FER: variants seen among roughly 807,000 people sequenced by gnomAD.
FER encodes FER tyrosine kinase.
In FER, 63 loss-of-function variants were observed where a neutral mutation model predicts 111.0. That is an observed-to-expected ratio of 0.57 (90% CI 0.46 to 0.70). The LOEUF (loss-of-function observed/expected upper bound fraction) is 0.70, where lower values mean the gene tolerates loss of function less well. Among genes scored for constraint, FER ranks in the 30% least tolerant of loss-of-function variants. The pLI is 0.00. For synonymous variants in FER, 327 were observed against 313.9 expected (o/e 1.04, Z -0.44); for missense variants, 914 against 954.0 (o/e 0.96, Z 0.55).
chr5:109,052,918 A>T (rs1773046080), intron 16 of FER, among the ~76,000 whole-genome samples: 1 of 152,204 alleles, frequency 6.6e-6, no homozygotes, highest in South Asian at 2.1e-4. Context: ...CAGTTACATT[A>T]AGTTCATTGG....
At chr5:109,086,720 A>G (rs72796559) in intron 16 of FER, among the ~76,000 whole-genome samples, 11,127 of 151,396 alleles carry the variant, frequency 0.073, 521 homozygotes, top group Middle Eastern at 0.16. Flanking sequence ...TTCAGTTTGA[A>G]TCATGTTCTA....
Position 109,189,444 on chromosome 5 carries a change from A to AGAT in FER, c.*1870_*1872dup, listed in dbSNP as rs1408394677. The AGAT allele has an allele frequency of 4.3e-4, 66 of 152,340 alleles. No homozygotes were observed. The highest frequency in any genetic ancestry group is 2.5e-4 in the Non-Finnish European group (17 of 68,036). The allele number at this position is 152,340 out of a possible 1,614,324, so 9.4% of individuals were successfully genotyped here. On this transcript the variant is annotated 3_prime_UTR_variant, in exon 20 of 20. Transcript: ENST00000281092. ...TCACACCAGTACTTTAGAGTATGAA[A>AGAT]GATAATACTGAAGAGAAAAGTGACT... is the stretch of plus-strand genomic sequence containing the variant.
At chr5:108,845,018 A>ATATATATATG (rs1761802267) in intron 5 of FER, among the ~76,000 whole-genome samples, 1 of 53,342 alleles carries the variant, frequency 1.9e-5, no homozygotes, top group South Asian at 6.7e-4. Flanking sequence ...ATATATATAT[A>ATATATATATG]TATATATATA....
At chr5:108,969,616 T>TTTTTTTTTTTTTTTTTTGAGACG (rs1561695264) in intron 13 of FER, among the ~76,000 whole-genome samples, 11 of 149,042 alleles carry the variant, frequency 7.4e-5, no homozygotes, top group African/African-American at 2.6e-4. Flanking sequence ...TTAATTTTTT[T>TTTTTTTTTTTTTTTTTTGAGACG]GAACACTGTG....
chr5:108,848,484 G>A (rs542637009), intron 5 of FER, among the ~76,000 whole-genome samples: 1 of 151,910 alleles, frequency 6.6e-6, no homozygotes, highest in South Asian at 2.1e-4. Flanking sequence ...TAGCTCTAAT[G>A]TTTTATTTTA....
At chr5:108,893,409 C>A (rs906607099) in intron 9 of FER, among the ~76,000 whole-genome samples, 21 of 150,842 alleles carry the variant, frequency 1.4e-4, no homozygotes, top group African/African-American at 4.4e-4. Context: ...AGGTTTTCTT[C>A]TTTATTTTTT....
chr5:109,172,148 G>A (rs1204053614), intron 17 of FER, among the ~76,000 whole-genome samples: 1 of 151,944 alleles, frequency 6.6e-6, no homozygotes, highest in Non-Finnish European at 1.5e-5. Context: ...ATACCCAAAG[G>A]ACTATAAATC....
At chr5:109,037,575 A>G in intron 14 of FER, 97 bp downstream of exon 14, 1 of 904,064 alleles carries the variant, frequency 1.1e-6, no homozygotes, top group East Asian at 2.5e-5. Context: ...TTATATTGCC[A>G]CAAGGCACAT....
chr5:109,010,383 T>G (rs1319912709), intron 13 of FER, among the ~76,000 whole-genome samples: 2 of 152,134 alleles, frequency 1.3e-5, no homozygotes, highest in African/African-American at 2.4e-5. Flanking sequence ...GGTGTCGATC[T>G]CCTGACCTCG....
chr5:109,092,299 A>AT, intron 16 of FER, among the ~76,000 whole-genome samples: 1 of 143,584 alleles, frequency 7.0e-6, no homozygotes, highest in Non-Finnish European at 1.5e-5. Flanking sequence ...AAAAAAAAAA[A>AT]AAAAAAAAAA....
At position 109,023,100 on chromosome 5, in the gene FER, G is replaced by C. The variant is rs532068543; in HGVS notation, c.1657-14322G>C. Among the ~76,000 whole-genome samples, 4 of 152,262 alleles carry C rather than the reference G, an allele frequency of 2.6e-5. No homozygotes were observed. In the South Asian group the frequency reaches 8.3e-4, roughly 32 times the overall value. On this transcript the variant is annotated intron_variant, in intron 13 of 19. Coordinates refer to ENST00000281092, the MANE Select transcript of FER (RefSeq NM_005246.4). Reference sequence around the variant, plus strand: ...GGTTAAAAGACTATTATAGTGACCTGTGGAAGGAAATGATGTTTGCTTGGT... The same window carrying C: ...GGTTAAAAGACTATTATAGTGACCTCTGGAAGGAAATGATGTTTGCTTGGT...
chr5:108,763,830 A>G (rs1418960732), intron 1 of FER, among the ~76,000 whole-genome samples: 2 of 152,152 alleles, frequency 1.3e-5, no homozygotes, highest in Non-Finnish European at 2.9e-5. Flanking sequence ...GAACTCATAT[A>G]TAGGGGCAAA....
chr5:109,164,296 A>G (rs994585221), intron 17 of FER, among the ~76,000 whole-genome samples: 13 of 152,188 alleles, frequency 8.5e-5, no homozygotes, highest in African/African-American at 3.1e-4. Context: ...TTGTTTTCAC[A>G]TGGATAGAAT....
At chr5:108,813,393 G>T (rs999247502) in intron 3 of FER, among the ~76,000 whole-genome samples, 1 of 151,992 alleles carries the variant, frequency 6.6e-6, no homozygotes, top group Non-Finnish European at 1.5e-5. Context: ...GGGTCTTGTT[G>T]ACCTTTTTAA....
chr5:108,813,742 C>A (rs770263267), intron 3 of FER, among the ~76,000 whole-genome samples: 8 of 152,106 alleles, frequency 5.3e-5, no homozygotes, highest in Non-Finnish European at 8.8e-5. Flanking sequence ...AACTTTAATT[C>A]TTTCCCTGAT....
chr5:109,167,319 T>C (rs949718940), intron 17 of FER, among the ~76,000 whole-genome samples: 3 of 152,170 alleles, frequency 2.0e-5, no homozygotes, highest in Admixed American at 6.5e-5. Context: ...ATTGGAAGTA[T>C]GTCTTTTCCA....
chr5:109,082,994 G>A (rs915378020), intron 16 of FER, among the ~76,000 whole-genome samples: 14 of 151,984 alleles, frequency 9.2e-5, no homozygotes, highest in African/African-American at 3.1e-4. Context: ...AAAGGCAGAG[G>A]CAGTTTAAAT....
intron 1 of FER, among the ~76,000 whole-genome samples, chr5:108,748,793 A>C (rs1750065503): frequency 6.6e-6 from 1 of 152,172 alleles, no homozygotes; most frequent in South Asian, 2.1e-4. Context: ...GTAGTGGAGG[A>C]GGGGGCTGAG....
intron 11 of FER, among the ~76,000 whole-genome samples, chr5:108,954,224 A>C (rs915065449): frequency 5.9e-5 from 9 of 152,126 alleles, no homozygotes; most frequent in Admixed American, 5.3e-4. Flanking sequence ...GTGAAGATAA[A>C]GACAGAAAGG....
Sources: gnomAD v4.1 joint callset for allele counts (sites outside exome capture counted in the v4.1 genomes callset) on GRCh38, gnomAD v4.1.1 for gene constraint, MANE v1.5 for transcripts, NCBI Gene and HGNC (gene_info 2026-07-23, HGNC 2026-07-21) for gene names.